GOLPH3: variants seen among roughly 807,000 people sequenced by gnomAD.
GOLPH3 encodes the protein coat protein GPP34.
GOLPH3 carries 14 observed loss-of-function variants against 28.5 expected under a neutral mutation model. The observed-to-expected ratio is 0.49, with a 90% CI of 0.32 to 0.77. The LOEUF is 0.77. Ranked by LOEUF, GOLPH3 falls within the 30% of genes least tolerant of loss-of-function variation. The pLI, the probability that GOLPH3 is intolerant of heterozygous loss-of-function variation, is 0.03. For synonymous variants in GOLPH3, 158 were observed against 159.2 expected, an observed-to-expected ratio of 0.99 and a Z score of 0.06; for missense variants, 350 against 393.7, an observed-to-expected ratio of 0.89 and a Z score of 0.94.
intron 1 of GOLPH3, among the ~76,000 whole-genome samples, chr5:32,161,368 G>A (rs1236425975): frequency 7.2e-6 from 1 of 139,328 alleles, no homozygotes; most frequent in East Asian, 2.2e-4. Context: ...CACACCACTG[G>A]ACTCCACCCT....
At chr5:32,153,403 A>G (rs1178431903) in intron 1 of GOLPH3, among the ~76,000 whole-genome samples, 1 of 151,680 alleles carries the variant, frequency 6.6e-6, no homozygotes, top group Non-Finnish European at 1.5e-5. Flanking sequence ...CAATATAATT[A>G]TATGCACTGA....
chr5:32,150,728 A>T (rs935961478), intron 1 of GOLPH3, among the ~76,000 whole-genome samples: 1 of 152,178 alleles, frequency 6.6e-6, no homozygotes, highest in Non-Finnish European at 1.5e-5. Context: ...GAAAATCTGA[A>T]ATCCAAAATG....
intron 1 of GOLPH3, among the ~76,000 whole-genome samples, chr5:32,155,889 G>A (rs547833369): frequency 6.5e-5 from 9 of 137,616 alleles, no homozygotes; most frequent in Admixed American, 4.0e-4. Flanking sequence ...CCCAGGAGGC[G>A]GAGGTTGCCG....
intron 1 of GOLPH3, among the ~76,000 whole-genome samples, chr5:32,148,541 TAATCCCAGCACTTTGG>T (rs758875835): frequency 1.3e-5 from 2 of 152,226 alleles, no homozygotes; most frequent in Non-Finnish European, 2.9e-5. Context: ...CTCACGCCTG[TAATCCCAGCACTTTGG>T]GAGGCCAAGG....
intron 1 of GOLPH3, among the ~76,000 whole-genome samples, chr5:32,160,055 T>G (rs1002205246): frequency 6.6e-6 from 1 of 152,176 alleles, no homozygotes; most frequent in Non-Finnish European, 1.5e-5. Flanking sequence ...GGCATAATGC[T>G]GCATAAAGCA....
intron 1 of GOLPH3, among the ~76,000 whole-genome samples, chr5:32,165,027 G>A (rs1746679387): frequency 6.6e-6 from 1 of 150,710 alleles, no homozygotes; most frequent in South Asian, 2.1e-4. Context: ...AGCCTCCCGA[G>A]TAGCTGGGAT....
chr5:32,155,956 C>CAAAAAAAAAAAAAAAAAAAA (rs70961608), intron 1 of GOLPH3, among the ~76,000 whole-genome samples: 1 of 47,770 alleles, frequency 2.1e-5, no homozygotes, highest in African/African-American at 5.5e-5. Context: ...AACACTGTCT[C>CAAAAAAAAAAAAAAAAAAAA]AAAAAAAAAA....
At chr5:32,131,612 A>G (rs1271166640) in intron 3 of GOLPH3, among the ~76,000 whole-genome samples, 2 of 152,250 alleles carry the variant, frequency 1.3e-5, no homozygotes, top group South Asian at 2.1e-4. Context: ...TTCACCATAT[A>G]TGTGAAAAGA....
intron 2 of GOLPH3, among the ~76,000 whole-genome samples, chr5:32,142,487 C>G (rs1746092498): frequency 1.3e-5 from 2 of 150,552 alleles, no homozygotes; most frequent in Non-Finnish European, 3.0e-5. Flanking sequence ...GGGTCAGCCC[C>G]CCACCCAGCC....
chr5:32,174,315 A>G lies in GOLPH3; in HGVS notation c.-281T>C, dbSNP rs566487280. The G allele has an allele frequency of 0.013, 3,837 of 305,818 alleles. 42 individuals carry two copies. The highest frequency in any genetic ancestry group is 0.017 in the Non-Finnish European group (2,795 of 167,108). The allele number at this position is 305,818 out of a possible 1,614,324, so 18.9% of individuals were successfully genotyped here. On this transcript the variant is annotated 5_prime_UTR_variant, in exon 1 of 4. Coordinates refer to ENST00000265070, the MANE Select transcript of GOLPH3 (RefSeq NM_022130.4). Reference sequence around the variant, plus strand: ...GCGGAGGCGGCGGCGGCGCCTTTCCAATATGGCGGCCCCGGCTGACGTCAC... The same window carrying G: ...GCGGAGGCGGCGGCGGCGCCTTTCCGATATGGCGGCCCCGGCTGACGTCAC...
intron 2 of GOLPH3, among the ~76,000 whole-genome samples, chr5:32,136,161 T>C (rs952889867): frequency 6.9e-6 from 1 of 144,958 alleles, no homozygotes; most frequent in African/African-American, 2.6e-5. Context: ...GACGAAAGAG[T>C]GAGACTATCT....
intron 2 of GOLPH3, among the ~76,000 whole-genome samples, chr5:32,140,201 A>T (rs1746025525): frequency 6.6e-6 from 1 of 151,986 alleles, no homozygotes; most frequent in South Asian, 2.1e-4. Flanking sequence ...AAAAAAAAAT[A>T]AGATTGAAAA....
At chr5:32,155,203 A>G (rs1746393275) in intron 1 of GOLPH3, among the ~76,000 whole-genome samples, 1 of 152,042 alleles carries the variant, frequency 6.6e-6, no homozygotes, top group South Asian at 2.1e-4. Context: ...TTGTTTTTTT[A>G]AAGACAGGGT....
intron 1 of GOLPH3, among the ~76,000 whole-genome samples, chr5:32,163,008 G>A (rs1455511038): frequency 6.6e-6 from 1 of 152,212 alleles, no homozygotes; most frequent in Non-Finnish European, 1.5e-5. Flanking sequence ...AACCCGGGAG[G>A]CAGAGCTTGC....
chr5:32,128,728 A>G (rs1745753010), intron 3 of GOLPH3, among the ~76,000 whole-genome samples: 1 of 152,136 alleles, frequency 6.6e-6, no homozygotes, highest in African/African-American at 2.4e-5. Flanking sequence ...CTGCCTACCA[A>G]GACAAAATTC....
chr5:32,141,884 G>A (rs888512280), intron 2 of GOLPH3, among the ~76,000 whole-genome samples: 16 of 117,472 alleles, frequency 1.4e-4, no homozygotes, highest in South Asian at 7.7e-4. Context: ...GATTGCAGAC[G>A]GAGTCTCGTT....
Position 32,143,739 on chromosome 5 carries a change from C to A in GOLPH3, c.357+10G>T. 2.5e-6 allele frequency: 4 copies of A among 1,602,350 alleles called. No homozygotes were observed. Among genetic ancestry groups the A allele is most frequent in the Non-Finnish European group, 3.4e-6 (4 of 1,176,074 alleles). ...TCTTTAAAAAGAATGTTACTCAGCA[C>A]TCCTCTTACCTTTCTTGTTAATAGA... On this transcript the variant is annotated intron_variant, in intron 2 of 3. Transcript: ENST00000265070.
chr5:32,137,680 G>A (rs889215135), intron 2 of GOLPH3, among the ~76,000 whole-genome samples: 4 of 152,046 alleles, frequency 2.6e-5, no homozygotes, highest in African/African-American at 9.7e-5. Context: ...GCTACATTGA[G>A]ATATAGAATC....
intron 3 of GOLPH3, among the ~76,000 whole-genome samples, chr5:32,132,000 A>T (rs1745834828): frequency 1.3e-5 from 2 of 152,162 alleles, no homozygotes; most frequent in Non-Finnish European, 1.5e-5. Context: ...ACAAAAAAAT[A>T]CAAAAATTAG....
Sources: gnomAD v4.1 joint callset for allele counts (sites outside exome capture counted in the v4.1 genomes callset) on GRCh38, gnomAD v4.1.1 for gene constraint, MANE v1.5 for transcripts, NCBI Gene and HGNC (gene_info 2026-07-23, HGNC 2026-07-21) for gene names.